ANPEP: variants seen among roughly 807,000 people sequenced by gnomAD.
ANPEP encodes aminopeptidase N.
A neutral mutation model predicts 114.6 loss-of-function variants in ANPEP; 70 were observed. That is an observed-to-expected ratio of 0.61 (90% CI 0.50 to 0.75). The LOEUF is 0.75. ANPEP is among the 30% of genes least tolerant of loss of function. The pLI, the probability that ANPEP is intolerant of heterozygous loss-of-function variation, is 0.00. For synonymous variants in ANPEP, 548 were observed against 522.3 expected, an observed-to-expected ratio of 1.05 and a Z score of -0.67; for missense variants, 1,184 against 1,259.5, an observed-to-expected ratio of 0.94 and a Z score of 0.91.
Position 89,801,461 on chromosome 15 carries a change from G to C in ANPEP, c.1716C>G (p.Ser572=). Residue 572 remains serine (S), a synonymous_variant, in exon 11 of 21, where the codon TCC becomes TCG. Transcript: ENST00000300060. ...TGAATTCTGAGGGGCGGGTAACATTGGAATCGGGGTCAAGGAGGAAGTGCT... is the reference window on the plus strand; with the variant it reads ...TGAATTCTGAGGGGCGGGTAACATTCGAATCGGGGTCAAGGAGGAAGTGCT... ...SQEHFLLDPD[S]NVTRPSEFNY... is the part of the protein sequence containing the mutation. 5.0e-6 allele frequency: 8 copies of C among 1,614,180 alleles called. No homozygotes were observed. Among genetic ancestry groups the C allele is most frequent in the Non-Finnish European group, 5.9e-6 (7 of 1,180,008 alleles).
chr15:89,814,386 C>G lies in ANPEP; in HGVS notation c.-224+386G>C, dbSNP rs1354177952. ...CCCTTTGCCTTCGGCCGCGCCCCACCCACCAGGGACAGAGTGGCCGCGGCC... is the reference window on the plus strand; with the variant it reads ...CCCTTTGCCTTCGGCCGCGCCCCACGCACCAGGGACAGAGTGGCCGCGGCC... On this transcript the variant is annotated intron_variant, in intron 1 of 20. Coordinates refer to ENST00000300060, the MANE Select transcript of ANPEP (RefSeq NM_001150.3). Among the ~76,000 whole-genome samples, 23 of 152,202 alleles carry G rather than the reference C, an allele frequency of 1.5e-4. No homozygotes were observed. In the East Asian group the frequency reaches 4.5e-3, roughly 30 times the overall value.
chr15:89,802,700 C>T (rs370442899), intron 10 of ANPEP: 8 of 159,584 alleles, frequency 5.0e-5, no homozygotes, highest in East Asian at 3.7e-4. Flanking sequence ...GGGAGAGGAG[C>T]GGCGGCCTCT....
intron 1 of ANPEP, among the ~76,000 whole-genome samples, chr15:89,814,001 G>GT (rs1555442976): frequency 1.3e-5 from 2 of 151,610 alleles, no homozygotes; most frequent in African/African-American, 4.9e-5. Flanking sequence ...TGGGGGGGGG[G>GT]GGTGCGTTCT....
chr15:89,799,529 T>C lies in ANPEP; in HGVS notation c.1850A>G (p.Asn617Ser). 2 of 1,614,176 alleles carry C rather than the reference T, an allele frequency of 1.2e-6. No homozygotes were observed. The highest frequency in any genetic ancestry group is 1.3e-5 in the African/African-American group (1 of 75,040). Reference protein sequence around the residue: ...AQNDLFSTSGNEWVLLNLNVT... With the variant: ...AQNDLFSTSGSEWVLLNLNVT... ...ATTGAGGTTCAGCAGGACCCACTCATTGCCTGATGTGCTGAAGAGATCGTT... is the reference window on the plus strand; with the variant it reads ...ATTGAGGTTCAGCAGGACCCACTCACTGCCTGATGTGCTGAAGAGATCGTT... The change falls in exon 13 of 21, where the codon AAT becomes AGT. Residue 617 changes from asparagine (N) to serine (S), a missense_variant. Asn to Ser is a conservative substitution (Grantham distance 46). Coordinates refer to ENST00000300060, the MANE Select transcript of ANPEP (RefSeq NM_001150.3). The surrounding 1 kb of genome is among the most constrained non-coding windows in gnomAD (Gnocchi z 4.2).
At chr15:89,807,988 C>T (rs1894752272) in intron 1 of ANPEP, among the ~76,000 whole-genome samples, 1 of 152,170 alleles carries the variant, frequency 6.6e-6, no homozygotes, top group Non-Finnish European at 1.5e-5. Context: ...TATGGACTCC[C>T]TGCCTCCATT....
At chr15:89,797,753 C>T in intron 14 of ANPEP, 31 bp from the exon 15 acceptor site, 1 of 1,612,904 alleles carries the variant, frequency 6.2e-7, no homozygotes, top group Non-Finnish European at 8.5e-7. Flanking sequence ...CCAAGTAAAG[C>T]ACCTCCACCC....
In ANPEP at chr15:89,801,116, A is replaced by T. The variant is rs1788821573; in HGVS notation, c.1814T>A (p.Val605Glu). The change falls in exon 12 of 21, where the codon GTA (valine) becomes GAA (glutamate). Residue 605 changes from valine to glutamate, a missense_variant. Transcript: ENST00000300060. Reference sequence around the variant, plus strand: ...ATAAGGCAGGGCTGGATTACCTCTTACATCTATCAGCCAGTAGTCCTGCTG... The same window carrying T: ...ATAAGGCAGGGCTGGATTACCTCTTTCATCTATCAGCCAGTAGTCCTGCTG... ...RQQQDYWLID[V>E]RAQNDLFSTS... is the part of the protein sequence containing the mutation. 1 of 1,613,984 alleles carries T rather than the reference A, an allele frequency of 6.2e-7. No homozygotes were observed.
Position 89,811,591 on chromosome 15 carries a change from G to A in ANPEP, c.-224+3181C>T, listed in dbSNP as rs182235051. 3.9e-3 allele frequency among the ~76,000 whole-genome samples: 598 copies of A among 151,504 alleles called. 5 individuals carry two copies. Among genetic ancestry groups the A allele is most frequent in the South Asian group, 7.5e-3 (36 of 4,778 alleles). On this transcript the variant is annotated intron_variant, in intron 1 of 20. Coordinates refer to ENST00000300060, the MANE Select transcript of ANPEP (RefSeq NM_001150.3). The stretch of plus-strand genomic sequence containing the variant: ...AACCCGGGAGGCGGAGGTTGCAGTG[G>A]GCCGAAATCGTGCCACTGCACTCCA...
At chr15:89,808,998 T>C (rs950972433) in intron 1 of ANPEP, among the ~76,000 whole-genome samples, 2 of 152,164 alleles carry the variant, frequency 1.3e-5, no homozygotes, top group African/African-American at 4.8e-5. Flanking sequence ...CAAGGGGCCT[T>C]GGTCTGGGAC....
intron 15 of ANPEP, among the ~76,000 whole-genome samples, chr15:89,794,462 T>C (rs1353245540): frequency 1.3e-5 from 2 of 151,926 alleles, no homozygotes; most frequent in Non-Finnish European, 2.9e-5. Context: ...CCAGCCTGGG[T>C]GACAGAGTGG....
In ANPEP at chr15:89,806,832, T is replaced by A; in HGVS notation, c.-223-26A>T. 1 of 530,128 alleles carries A rather than the reference T, an allele frequency of 1.9e-6. No individual in the cohort carries two copies. The highest frequency in any genetic ancestry group is 3.2e-6 in the Non-Finnish European group (1 of 309,884). 32.8% of individuals were successfully genotyped at this position (530,128 alleles called of 1,614,324 possible). A position where few individuals can be genotyped will look rare whatever the true frequency, so the allele number is the denominator to read the frequency against. ...CTGCTGGAAGCAAACAGTGTCTGGT[T>A]ACAGGCTGCAGGCGGCCTGGGATCA... On this transcript the variant is annotated intron_variant, in intron 1 of 20. Transcript: ENST00000300060. This position sits in a 1 kb window ranked among gnomAD's most constrained non-coding sequence, Gnocchi z 5.7.
chr15:89,798,939 AAAACAAACAAAC>A (rs35792576), intron 14 of ANPEP, among the ~76,000 whole-genome samples: 50 of 150,524 alleles, frequency 3.3e-4, no homozygotes, highest in Non-Finnish European at 6.1e-4. Flanking sequence ...ACTCCGTCTC[AAAACAAACAAAC>A]AAACAAACAA....
chr15:89,791,339 T>G (rs928595922), intron 18 of ANPEP, among the ~76,000 whole-genome samples: 1 of 152,184 alleles, frequency 6.6e-6, no homozygotes, highest in African/African-American at 2.4e-5. Context: ...AATGAATCAA[T>G]GAAGGAAGGA....
chr15:89,811,445 G>A (rs1054660824), intron 1 of ANPEP, among the ~76,000 whole-genome samples: 4 of 151,976 alleles, frequency 2.6e-5, no homozygotes, highest in Non-Finnish European at 5.9e-5. Flanking sequence ...AGCAGATCGA[G>A]ACCATCCTGG....
intron 15 of ANPEP, among the ~76,000 whole-genome samples, chr15:89,794,547 G>C (rs1424242378): frequency 1.3e-5 from 2 of 152,016 alleles, no homozygotes; most frequent in African/African-American, 4.8e-5. Flanking sequence ...AAGGGACAGA[G>C]GGGAGGTAAG....
rs1432769636 is a variant in ANPEP at position 89,803,171 on chromosome 15, G to T, written c.1569+68C>A. The T allele has an allele frequency of 1.3e-6, 2 of 1,537,426 alleles. No homozygotes were observed. The highest frequency in any genetic ancestry group is 1.8e-6 in the Non-Finnish European group (2 of 1,110,614). ...GGACCCATTCTCTTACGCATGTGCTGCCCCCAGGTACCTTCAGCATCTCAA... is the reference window on the plus strand; with the variant it reads ...GGACCCATTCTCTTACGCATGTGCTTCCCCCAGGTACCTTCAGCATCTCAA... On this transcript the variant is annotated intron_variant, in intron 10 of 20. Transcript: ENST00000300060. This position sits in a 1 kb window ranked among gnomAD's most constrained non-coding sequence, Gnocchi z 4.2.
chr15:89,797,902 C>T (rs1045096217), intron 14 of ANPEP, among the ~76,000 whole-genome samples, 180 bp from the exon 15 acceptor site: 1 of 152,246 alleles, frequency 6.6e-6, no homozygotes, highest in African/African-American at 2.4e-5. Context: ...GGAAAAAGAG[C>T]TACATGGCTG....
intron 20 of ANPEP, among the ~76,000 whole-genome samples, chr15:89,790,096 G>A (rs1303708543): frequency 2.0e-5 from 3 of 147,990 alleles, no homozygotes; most frequent in African/African-American, 5.1e-5. Flanking sequence ...AAAAGAATGC[G>A]TTTATTTTTC....
chr15:89,803,090 T>C lies in ANPEP; in HGVS notation c.1569+149A>G. The C allele has an allele frequency of 2.2e-6, 2 of 891,756 alleles. No individual in the cohort carries two copies. 55.2% of individuals were successfully genotyped at this position (891,756 alleles called of 1,614,324 possible). ...CAAGGAGCCATCCCGGCTTCCACTA[T>C]AGGGAGGAGCAACAGAGGCTCCATC... On this transcript the variant is annotated intron_variant, in intron 10 of 20. Coordinates refer to ENST00000300060, the MANE Select transcript of ANPEP (RefSeq NM_001150.3). The surrounding 1 kb of genome is among the most constrained non-coding windows in gnomAD (Gnocchi z 4.2).
Sources: gnomAD v4.1 joint callset for allele counts (sites outside exome capture counted in the v4.1 genomes callset) on GRCh38, gnomAD v4.1.1 for gene constraint, Gnocchi (gnomAD v3.1) non-coding constraint, MANE v1.5 for transcripts, NCBI Gene and HGNC (gene_info 2026-07-23, HGNC 2026-07-21) for gene names.